The following REXO5 variants were observed in gnomAD, a reference collection of about 807,000 sequenced individuals.
REXO5 encodes exonuclease NEF-sp.
Under a neutral mutation model 88.5 loss-of-function variants are expected in REXO5, and 48 were observed. The observed-to-expected ratio is 0.54, with a 90% CI of 0.43 to 0.69. The LOEUF (loss-of-function observed/expected upper bound fraction) is 0.69. REXO5 is among the 30% of genes least tolerant of loss of function. REXO5 has a pLI of 0.00. For synonymous variants in REXO5, 311 were observed against 336.5 expected (o/e 0.92, Z 0.83); for missense variants, 749 against 912.2 (o/e 0.82, Z 2.30).
chr16:20,832,326 C>T (rs1307998979), intron 12 of REXO5, 67 bp downstream of exon 12: 10 of 982,626 alleles, frequency 1.0e-5, no homozygotes, highest in Non-Finnish European at 1.5e-5. Flanking sequence ...TTAACAACAC[C>T]TGAGAATGTT....
In REXO5 at chr16:20,826,304, G is replaced by A. The variant is rs138833837; in HGVS notation, c.821+356G>A. On this transcript the variant is annotated intron_variant, in intron 8 of 19. Transcript: ENST00000261377. ...AGTCATCATTTGGCAGTCAAGTGATGTTAGAGCTTAATCTGCCTTGACCCC... is the reference window on the plus strand; with the variant it reads ...AGTCATCATTTGGCAGTCAAGTGATATTAGAGCTTAATCTGCCTTGACCCC... 5.3e-3 allele frequency among the ~76,000 whole-genome samples: 791 copies of A among 150,554 alleles called. 22 individuals are homozygous for A. The highest frequency in any genetic ancestry group is 0.047 in the Admixed American group (702 of 14,830).
intron 2 of REXO5, among the ~76,000 whole-genome samples, chr16:20,811,398 A>AT (rs2080996693): frequency 6.6e-6 from 1 of 152,242 alleles, no homozygotes; most frequent in Admixed American, 6.5e-5. Context: ...GTTGTTTGTA[A>AT]TTTAAAAAAC....
At position 20,845,113 on chromosome 16, in the gene REXO5, A is replaced by C. The variant is rs1490944721; in HGVS notation, c.1996A>C (p.Lys666Gln). The change falls in exon 18 of 20, where the codon AAG becomes CAG. Residue 666 changes from lysine to glutamine, a missense_variant. Physicochemically the swap from Lys to Gln is moderately conservative, Grantham distance 53. Transcript: ENST00000261377. ...CAACATTCTCACAGGCAAGGACTGG[A>C]AGCTGAAAGGCAGGCATGCCCTAAC... is the stretch of plus-strand genomic sequence containing the variant. Reference protein sequence around the residue: ...ALNILTGKDWKLKGRHALTPR... With the variant: ...ALNILTGKDWQLKGRHALTPR... 1 of 1,613,986 alleles carries C rather than the reference A, an allele frequency of 6.2e-7. No homozygotes were observed. Among genetic ancestry groups the C allele is most frequent in the Non-Finnish European group, 8.5e-7 (1 of 1,180,024 alleles).
At position 20,816,135 on chromosome 16, in the gene REXO5, C is replaced by T; in HGVS notation, c.398C>T (p.Pro133Leu). 1 of 1,614,016 alleles carries T rather than the reference C, an allele frequency of 6.2e-7. No homozygotes were observed. Among genetic ancestry groups the T allele is most frequent in the South Asian group, 1.1e-5 (1 of 91,060 alleles). ...TTTCAGAAATTCCGCTTGCCTCCAC[C>T]ATCATCTGATTTTCTAGCTGATGTT... is the stretch of plus-strand genomic sequence containing the variant. ...AFRHKFRLPP[P>L]SSDFLADVVG... is the part of the protein sequence containing the mutation. Residue 133 changes from proline (P) to leucine (L), a missense_variant, in exon 5 of 20, where the codon CCA (proline) becomes CTA (leucine). By Grantham distance (98) the Pro-to-Leu change is moderately conservative. Coordinates refer to ENST00000261377, the MANE Select transcript of REXO5 (RefSeq NM_030941.3).
chr16:20,829,654 A>G (rs2081311063), intron 11 of REXO5, among the ~76,000 whole-genome samples: 1 of 152,220 alleles, frequency 6.6e-6, no homozygotes, highest in Non-Finnish European at 1.5e-5. Flanking sequence ...TCTTAAGTGT[A>G]CTGTTCTAAA....
intron 5 of REXO5, 134 bp from the exon 6 acceptor site, chr16:20,821,628 C>T (rs1468896588): frequency 2.8e-6 from 2 of 709,774 alleles, no homozygotes; most frequent in Admixed American, 3.5e-5. Flanking sequence ...AGATTGCAAG[C>T]CCCTAAATGG....
chr16:20,839,631 G>A (rs929595143), intron 13 of REXO5, 124 bp from the exon 14 acceptor site: 8 of 529,164 alleles, frequency 1.5e-5, no homozygotes, highest in Non-Finnish European at 2.3e-5. Context: ...CTGGAAGTCA[G>A]CCCCATATTA....
chr16:20,821,250 G>A (rs1340330227), intron 5 of REXO5, among the ~76,000 whole-genome samples: 1 of 151,708 alleles, frequency 6.6e-6, no homozygotes, highest in Non-Finnish European at 1.5e-5. Context: ...TCCCTTTACT[G>A]TTTTAGCTCA....
intron 13 of REXO5, 105 bp downstream of exon 13, chr16:20,833,228 TAC>T (rs1328155594): frequency 9.0e-6 from 11 of 1,222,012 alleles, no homozygotes; most frequent in Non-Finnish European, 1.2e-5. Flanking sequence ...CAACCCTGGC[TAC>T]AGTTAGCAAG....
intron 18 of REXO5, 146 bp downstream of exon 18, chr16:20,845,387 C>T (rs538892491): frequency 2.9e-5 from 18 of 619,682 alleles, no homozygotes; most frequent in East Asian, 2.7e-4. Flanking sequence ...CATCTTTTCT[C>T]GCAGATCTCT....
At chr16:20,847,801 A>T (rs1170173503) in intron 19 of REXO5, among the ~76,000 whole-genome samples, 1 of 152,180 alleles carries the variant, frequency 6.6e-6, no homozygotes, top group Non-Finnish European at 1.5e-5. Flanking sequence ...CCTCAGGGGC[A>T]GTGTATGGTG....
intron 6 of REXO5, 80 bp from the exon 7 acceptor site, chr16:20,824,359 T>A (rs1466227709): frequency 1.3e-6 from 1 of 741,666 alleles, no homozygotes; most frequent in Admixed American, 2.4e-5. Flanking sequence ...TCTAGTATTG[T>A]AGTTTTACCT....
chr16:20,806,483 T>G, upstream of REXO5: 1 of 1,549,206 alleles, frequency 6.5e-7, no homozygotes, highest in Non-Finnish European at 8.7e-7. Context: ...GCTCGACTTC[T>G]ACTTCCGGTC....
intron 2 of REXO5, among the ~76,000 whole-genome samples, chr16:20,809,343 T>A (rs1393596905): frequency 6.6e-6 from 1 of 152,234 alleles, no homozygotes; most frequent in Non-Finnish European, 1.5e-5. Context: ...CATGACCATC[T>A]ACTCCTCAGA....
In REXO5 at chr16:20,845,183, C is replaced by T. The variant is rs2081587972; in HGVS notation, c.2066C>T (p.Ser689Leu). 6.2e-7 allele frequency: 1 copy of T among 1,614,038 alleles called. No homozygotes were observed. The highest frequency in any genetic ancestry group is 8.5e-7 in the Non-Finnish European group (1 of 1,179,974). ...HAWLRGLPPE[S>L]TRLPGLRVVP... ...TGGCTCAGAGGCTTACCACCTGAAT[C>T]AACAAGGCTCCCAGGGCTTCGTGTT... Residue 689 changes from serine to leucine, a missense_variant, in exon 18 of 20, where the codon TCA (serine) becomes TTA (leucine). Ser to Leu is a moderately radical substitution (Grantham distance 145). Transcript: ENST00000261377.
intron 19 of REXO5, among the ~76,000 whole-genome samples, 197 bp downstream of exon 19, chr16:20,846,536 G>C (rs921594299): frequency 2.0e-5 from 3 of 152,100 alleles, no homozygotes; most frequent in African/African-American, 4.8e-5. Context: ...ACATTTATTG[G>C]TCCCTCAAGG....
At chr16:20,807,616 G>T (rs1237972791) in intron 2 of REXO5, among the ~76,000 whole-genome samples, 1 of 144,626 alleles carries the variant, frequency 6.9e-6, no homozygotes, top group Admixed American at 6.9e-5. Flanking sequence ...AAACTGGGAT[G>T]GTGGGCCGGG....
At chr16:20,843,439 C>T (rs540058424) in intron 15 of REXO5, among the ~76,000 whole-genome samples, 1 of 152,244 alleles carries the variant, frequency 6.6e-6, no homozygotes, top group East Asian at 1.9e-4. Context: ...ATTCAAGAAA[C>T]CATTGCCAAA....
intron 11 of REXO5, 53 bp from the exon 12 acceptor site, chr16:20,832,103 A>G (rs930735917): frequency 8.6e-7 from 1 of 1,161,446 alleles, no homozygotes; most frequent in Non-Finnish European, 1.3e-6. Flanking sequence ...TATTTATTTG[A>G]GCATCAAATG....
Sources: allele counts gnomAD v4.1 joint callset (sites outside exome capture counted in the v4.1 genomes callset), GRCh38; gene constraint gnomAD v4.1.1; transcripts MANE v1.5; gene names NCBI Gene and HGNC (gene_info 2026-07-23, HGNC 2026-07-21).